The following SLC5A4 variants were observed in gnomAD, a reference collection of about 807,000 sequenced individuals.
The protein encoded by SLC5A4 is solute carrier family 5 member 4, also known as probable glucose sensor protein SLC5A4.
SLC5A4 carries 55 observed loss-of-function variants against 70.3 expected under a neutral mutation model. The observed-to-expected ratio is 0.78, with a 90% CI of 0.63 to 0.98. The LOEUF is 0.98. SLC5A4 is among the 50% of genes least tolerant of loss of function. The pLI, the probability that SLC5A4 is intolerant of heterozygous loss-of-function variation, is 0.00. For synonymous variants in SLC5A4, 268 were observed against 305.7 expected (o/e 0.88, Z 1.29); for missense variants, 735 against 839.2 (o/e 0.88, Z 1.53).
chr22:32,251,856 CAA>C lies in SLC5A4; in HGVS notation c.224_225del (p.Phe75CysfsTer3). The C allele has an allele frequency of 6.2e-7, 1 of 1,613,718 alleles. No homozygotes were observed. Among genetic ancestry groups the C allele is most frequent in the East Asian group, 2.2e-5 (1 of 44,876 alleles). On this transcript the variant is annotated frameshift_variant, in exon 3 of 15. Transcript: ENST00000266086. LOFTEE classifies it high-confidence loss of function. ...MAWWPMGASL[F>X]ASNIGSNHYV... ...TAGTGGTTGCTGCCGATGTTACTGG[CAA>C]AGAGAGAGGCGCCCATCTGGAATGC... is the stretch of plus-strand genomic sequence containing the variant.
chr22:32,239,371 TGAGGC>T (rs1926250572), intron 5 of SLC5A4, among the ~76,000 whole-genome samples: 2 of 150,374 alleles, frequency 1.3e-5, no homozygotes, highest in Admixed American at 1.3e-4. Flanking sequence ...TTCTGTATCA[TGAGGC>T]TTAGACAGGC....
At chr22:32,305,194 C>T in the SLC5A4 span, among the ~76,000 whole-genome samples, 3 of 151,024 alleles carry the variant, frequency 2.0e-5, no homozygotes, top group East Asian at 2.0e-4. Context: ...CTAATCAGCT[C>T]TTTAAAAATT....
chr22:32,269,052 C>A, the SLC5A4 span, among the ~76,000 whole-genome samples: 3 of 152,084 alleles, frequency 2.0e-5, no homozygotes, highest in African/African-American at 4.8e-5. The surrounding 1 kb of genome is among the most constrained non-coding windows in gnomAD (Gnocchi z 4.1). Context: ...GCCACCACAC[C>A]GGGCTAATTT....
chr22:32,309,753 G>T, the SLC5A4 span, among the ~76,000 whole-genome samples: 1 of 152,060 alleles, frequency 6.6e-6, no homozygotes, highest in Non-Finnish European at 1.5e-5. Context: ...GTGACCCCCT[G>T]GCACCCCACC....
At chr22:32,309,218 CAAT>C in the SLC5A4 span, among the ~76,000 whole-genome samples, 3 of 152,118 alleles carry the variant, frequency 2.0e-5, no homozygotes, top group African/African-American at 4.8e-5. Flanking sequence ...CCAAAACACA[CAAT>C]AATCACACCA....
the SLC5A4 span, among the ~76,000 whole-genome samples, chr22:32,305,210 G>C: frequency 1.4e-5 from 2 of 148,016 alleles, no homozygotes; most frequent in Non-Finnish European, 3.0e-5. Flanking sequence ...AAATTTTCCT[G>C]TATCTTTTTT....
At chr22:32,269,597 T>C in the SLC5A4 span, 1 of 623,226 alleles carries the variant, frequency 1.6e-6, no homozygotes, top group South Asian at 1.4e-5. This position sits in a 1 kb window ranked among gnomAD's most constrained non-coding sequence, Gnocchi z 4.1. Flanking sequence ...AGCTACCCTT[T>C]GACTGCACCC....
At chr22:32,331,697 G>A in the SLC5A4 span, among the ~76,000 whole-genome samples, 2 of 152,108 alleles carry the variant, frequency 1.3e-5, no homozygotes, top group Non-Finnish European at 2.9e-5. Context: ...CCTGGGATGG[G>A]GACGTGGGCA....
the SLC5A4 span, among the ~76,000 whole-genome samples, chr22:32,346,520 A>G: frequency 6.2e-4 from 94 of 151,220 alleles, no homozygotes; most frequent in Non-Finnish European, 1.1e-3. Flanking sequence ...AGACCAATGG[A>G]ACAGAACAGA....
chr22:32,254,000 C>G (rs181466652), intron 2 of SLC5A4, 142 bp downstream of exon 2: 6 of 736,414 alleles, frequency 8.1e-6, no homozygotes, highest in Non-Finnish European at 1.5e-5. Flanking sequence ...AGGCTGGTCT[C>G]GAACTCCTGA....
At chr22:32,303,686 G>A in the SLC5A4 span, among the ~76,000 whole-genome samples, 72,821 of 151,836 alleles carry the variant, frequency 0.48, 17,616 homozygotes, top group Admixed American at 0.51. Flanking sequence ...GATGTACCAC[G>A]GTTTATATCT....
intron 5 of SLC5A4, among the ~76,000 whole-genome samples, chr22:32,245,970 C>T (rs1160048061): frequency 2.0e-5 from 3 of 152,240 alleles, no homozygotes; most frequent in Non-Finnish European, 2.9e-5. Context: ...CTAACCTTCC[C>T]ATCCTGGGGA....
chr22:32,353,460 G>A, the SLC5A4 span, among the ~76,000 whole-genome samples: 1 of 152,054 alleles, frequency 6.6e-6, no homozygotes, highest in Non-Finnish European at 1.5e-5. Context: ...GGATCCCCGC[G>A]GAAACGCTGT....
chr22:32,287,221 C>A, the SLC5A4 span, among the ~76,000 whole-genome samples: 1 of 152,154 alleles, frequency 6.6e-6, no homozygotes, highest in Non-Finnish European at 1.5e-5. Flanking sequence ...CCTAATTTTC[C>A]ATGGGCCAAC....
intron 8 of SLC5A4, among the ~76,000 whole-genome samples, chr22:32,234,012 G>A (rs1379274761): frequency 6.6e-6 from 1 of 152,136 alleles, no homozygotes; most frequent in Non-Finnish European, 1.5e-5. Context: ...GGGAACAGGT[G>A]TGCTTGCATG....
chr22:32,262,893 G>A, the SLC5A4 span, among the ~76,000 whole-genome samples: 25 of 151,416 alleles, frequency 1.7e-4, no homozygotes, highest in Admixed American at 1.3e-3. Context: ...CCTCAGCCTC[G>A]CGAGTAGCTG....
intron 5 of SLC5A4, among the ~76,000 whole-genome samples, chr22:32,246,079 A>G (rs147992965): frequency 7.7e-4 from 118 of 152,314 alleles, no homozygotes; most frequent in African/African-American, 2.8e-3. Flanking sequence ...GTACTTGTCC[A>G]TGCACTCTAG....
At chr22:32,298,901 C>T in the SLC5A4 span, among the ~76,000 whole-genome samples, 1 of 101,650 alleles carries the variant, frequency 9.8e-6, no homozygotes, top group Non-Finnish European at 2.0e-5. Flanking sequence ...TTTTATTTCT[C>T]CTTCACTTAT....
chr22:32,321,348 A>T, the SLC5A4 span, among the ~76,000 whole-genome samples: 2 of 152,152 alleles, frequency 1.3e-5, no homozygotes, highest in African/African-American at 4.8e-5. Flanking sequence ...GCTACTTGGG[A>T]GGCTGAGGCA....
Sources: allele counts gnomAD v4.1 joint callset (sites outside exome capture counted in the v4.1 genomes callset), GRCh38; gene constraint gnomAD v4.1.1; non-coding constraint Gnocchi (gnomAD v3.1); transcripts MANE v1.5; gene names NCBI Gene and HGNC (gene_info 2026-07-23, HGNC 2026-07-21).